Variants in MRPS31 observed in about 807,000 individuals in gnomAD.
The protein encoded by MRPS31 is small ribosomal subunit protein mS31.
A neutral mutation model predicts 43.1 loss-of-function variants in MRPS31; 32 were observed. The ratio of observed to expected loss-of-function variants is 0.74; its 90% CI spans 0.56 to 1.00. The LOEUF (loss-of-function observed/expected upper bound fraction) is 1.00. Among genes scored for constraint, MRPS31 ranks in the 50% least tolerant of loss-of-function variants. The pLI is 0.00. For missense variants in MRPS31, 437 were observed against 466.7 expected, an observed-to-expected ratio of 0.94 and a Z score of 0.59; for synonymous variants, 165 against 161.6, an observed-to-expected ratio of 1.02 and a Z score of -0.16.
chr13:40,769,419 TA>T (rs1880946055), intron 1 of MRPS31, among the ~76,000 whole-genome samples: 1 of 106,860 alleles, frequency 9.4e-6, no homozygotes, highest in Non-Finnish European at 1.8e-5. Flanking sequence ...TATATATATA[TA>T]TTATCAAGTT....
chr13:40,757,116 T>C, intron 3 of MRPS31, 103 bp from the exon 4 acceptor site: 1 of 852,748 alleles, frequency 1.2e-6, no homozygotes, highest in South Asian at 1.9e-5. Context: ...TTATTTCATT[T>C]TTATGCACTA....
chr13:40,747,225 T>C (rs1027051898), intron 6 of MRPS31, among the ~76,000 whole-genome samples: 1 of 152,102 alleles, frequency 6.6e-6, no homozygotes, highest in South Asian at 2.1e-4. Flanking sequence ...ATTACAGGCA[T>C]GAGCCACTGT....
In MRPS31 at chr13:40,754,009, C is replaced by G; in HGVS notation, c.814+10G>C. 1 of 1,548,462 alleles carries G rather than the reference C, an allele frequency of 6.5e-7. No homozygotes were observed. Among genetic ancestry groups the G allele is most frequent in the Non-Finnish European group, 8.9e-7 (1 of 1,125,916 alleles). On this transcript the variant is annotated intron_variant, in intron 5 of 6. Transcript: ENST00000323563. Reference sequence around the variant, plus strand: ...TCTCCACCTGAGAAAGAGTGTTATTCTTAACAAACCTGTTTCAGGTGCTTC... The same window carrying G: ...TCTCCACCTGAGAAAGAGTGTTATTGTTAACAAACCTGTTTCAGGTGCTTC...
chr13:40,758,748 TATTCA>T (rs1880606605), intron 3 of MRPS31, among the ~76,000 whole-genome samples, 195 bp downstream of exon 3: 1 of 152,254 alleles, frequency 6.6e-6, no homozygotes, highest in Admixed American at 6.5e-5. Context: ...AAGGAAACTT[TATTCA>T]ATTGTTTTTT....
chr13:40,751,174 T>C (rs1880380982), intron 5 of MRPS31, among the ~76,000 whole-genome samples: 1 of 152,174 alleles, frequency 6.6e-6, no homozygotes, highest in Admixed American at 6.6e-5. Flanking sequence ...CAATCAGTTG[T>C]TAGCCTTAAC....
intron 6 of MRPS31, among the ~76,000 whole-genome samples, chr13:40,733,562 G>A (rs1287516252): frequency 6.6e-6 from 1 of 152,104 alleles, no homozygotes; most frequent in Non-Finnish European, 1.5e-5. Flanking sequence ...TGAAACTTAT[G>A]AATATTATGA....
intron 1 of MRPS31, among the ~76,000 whole-genome samples, chr13:40,769,178 C>T (rs1880929973): frequency 1.3e-5 from 2 of 151,480 alleles, no homozygotes; most frequent in Non-Finnish European, 2.9e-5. Context: ...GAGTTCAAGA[C>T]CAGCCTGGCC....
At chr13:40,750,742 T>TTATATATATATATATA (rs66521234) in intron 5 of MRPS31, among the ~76,000 whole-genome samples, 265 of 130,774 alleles carry the variant, frequency 2.0e-3, no homozygotes, top group South Asian at 8.6e-3. Context: ...GTATCCCATT[T>TTATATATATATATATA]TATATATATA....
At chr13:40,747,881 AT>A (rs1291885050) in intron 6 of MRPS31, among the ~76,000 whole-genome samples, 2 of 152,202 alleles carry the variant, frequency 1.3e-5, no homozygotes, top group Non-Finnish European at 2.9e-5. Flanking sequence ...AATATTAAGA[AT>A]TTGCTAAAAG....
At chr13:40,744,468 T>A (rs1436931824) in intron 6 of MRPS31, among the ~76,000 whole-genome samples, 1 of 152,224 alleles carries the variant, frequency 6.6e-6, no homozygotes, top group Non-Finnish European at 1.5e-5. Context: ...AAAAAAATAA[T>A]TTCCAATTCC....
At chr13:40,741,497 A>C (rs2137999404) in intron 6 of MRPS31, among the ~76,000 whole-genome samples, 2 of 152,312 alleles carry the variant, frequency 1.3e-5, no homozygotes, top group Middle Eastern at 6.8e-3. Flanking sequence ...AAAGATTTGT[A>C]ATCTGGTTAT....
At chr13:40,750,083 T>C (rs1477489027) in intron 5 of MRPS31, among the ~76,000 whole-genome samples, 6 of 152,160 alleles carry the variant, frequency 3.9e-5, no homozygotes, top group Admixed American at 1.3e-4. Flanking sequence ...CAGCTTTCTT[T>C]GTAATAGCCA....
chr13:40,732,775 A>C (rs1879738728), intron 6 of MRPS31, among the ~76,000 whole-genome samples: 1 of 152,068 alleles, frequency 6.6e-6, no homozygotes, highest in South Asian at 2.1e-4. Context: ...ATGGCTGTTG[A>C]GCAACATTAC....
chr13:40,751,016 T>C (rs1593447928), intron 5 of MRPS31, among the ~76,000 whole-genome samples: 1 of 152,098 alleles, frequency 6.6e-6, no homozygotes, highest in Non-Finnish European at 1.5e-5. Flanking sequence ...TATCAACAAA[T>C]AGCTCAATTA....
At chr13:40,739,711 G>T (rs940112383) in intron 6 of MRPS31, among the ~76,000 whole-genome samples, 1 of 151,136 alleles carries the variant, frequency 6.6e-6, no homozygotes, top group African/African-American at 2.4e-5. Flanking sequence ...TTTAATAAAC[G>T]GTGCTGGGAA....
At chr13:40,753,973 G>A (rs1345865203) in intron 5 of MRPS31, 46 bp downstream of exon 5, 4 of 1,190,982 alleles carry the variant, frequency 3.4e-6, no homozygotes, top group Non-Finnish European at 4.9e-6. Context: ...ATCCTGGAAC[G>A]ATGGAATGTT....
chr13:40,734,194 A>G (rs1365974017), intron 6 of MRPS31, among the ~76,000 whole-genome samples: 4 of 152,200 alleles, frequency 2.6e-5, no homozygotes, highest in African/African-American at 9.7e-5. Flanking sequence ...GTAAACCATT[A>G]AAAAAGTACC....
chr13:40,744,625 G>A (rs1474273396), intron 6 of MRPS31, among the ~76,000 whole-genome samples: 1 of 151,944 alleles, frequency 6.6e-6, no homozygotes, highest in Non-Finnish European at 1.5e-5. Flanking sequence ...GCAGTGGCGC[G>A]ACCTCTGCCT....
At chr13:40,744,688 C>CT (rs1413636578) in intron 6 of MRPS31, among the ~76,000 whole-genome samples, 2 of 152,108 alleles carry the variant, frequency 1.3e-5, no homozygotes, top group Non-Finnish European at 2.9e-5. Context: ...ATAGCAAAGA[C>CT]ATTATACACT....
Sources: allele counts gnomAD v4.1 joint callset (sites outside exome capture counted in the v4.1 genomes callset), GRCh38; gene constraint gnomAD v4.1.1; transcripts MANE v1.5; gene names NCBI Gene and HGNC (gene_info 2026-07-23, HGNC 2026-07-21).